Variants in SLC9A9 observed in about 807,000 individuals in gnomAD.
The protein encoded by SLC9A9 is sodium/hydrogen exchanger 9.
In SLC9A9, 62 loss-of-function variants were observed where a neutral mutation model predicts 77.8. The observed-to-expected ratio is 0.80, with a 90% confidence interval of 0.65 to 0.98. The LOEUF is 0.98. Among genes scored for constraint, SLC9A9 ranks in the 50% least tolerant of loss-of-function variants. The probability of loss-of-function intolerance (pLI) is 0.00; values close to 1 mark genes in which losing one functional copy is unlikely to be tolerated. For synonymous variants in SLC9A9, 320 were observed against 283.5 expected, an observed-to-expected ratio of 1.13 and a Z score of -1.29; for missense variants, 775 against 774.9, an observed-to-expected ratio of 1.00 and a Z score of 0.00.
chr3:143,414,529 C>A (rs2108522410), intron 12 of SLC9A9, among the ~76,000 whole-genome samples: 1 of 152,332 alleles, frequency 6.6e-6, no homozygotes, highest in South Asian at 2.1e-4. Flanking sequence ...TCAAACATTT[C>A]ATCATTATCA....
At chr3:143,382,709 T>C (rs2033336107) in intron 12 of SLC9A9, among the ~76,000 whole-genome samples, 3 of 152,218 alleles carry the variant, frequency 2.0e-5, no homozygotes, top group African/African-American at 7.2e-5. Context: ...TACATATGTT[T>C]TTAAAGCTGG....
intron 4 of SLC9A9, among the ~76,000 whole-genome samples, chr3:143,769,014 T>G (rs2007423500): frequency 6.6e-6 from 1 of 152,194 alleles, no homozygotes; most frequent in African/African-American, 2.4e-5. Flanking sequence ...CTTTGTGACT[T>G]TGGCCGAGTT....
intron 4 of SLC9A9, among the ~76,000 whole-genome samples, chr3:143,787,691 A>G (rs2008095053): frequency 6.6e-6 from 1 of 152,144 alleles, no homozygotes; most frequent in African/African-American, 2.4e-5. Context: ...TATTCTGTTA[A>G]TAGAATCTGA....
intron 2 of SLC9A9, among the ~76,000 whole-genome samples, chr3:143,806,637 T>A (rs983085389): frequency 2.6e-5 from 4 of 152,238 alleles, no homozygotes; most frequent in African/African-American, 9.6e-5. Context: ...TGCATATTTT[T>A]ACTCATTCTA....
intron 4 of SLC9A9, among the ~76,000 whole-genome samples, chr3:143,704,034 A>G (rs1391479145): frequency 6.6e-6 from 1 of 152,146 alleles, no homozygotes; most frequent in Non-Finnish European, 1.5e-5. Flanking sequence ...ACAGATTTGG[A>G]TTGGTCCTAA....
At chr3:143,405,691 T>G (rs2033962985) in intron 12 of SLC9A9, among the ~76,000 whole-genome samples, 1 of 152,192 alleles carries the variant, frequency 6.6e-6, no homozygotes, top group South Asian at 2.1e-4. Flanking sequence ...GAAACACTAG[T>G]GGTCTGCCTC....
intron 2 of SLC9A9, among the ~76,000 whole-genome samples, chr3:143,815,131 T>G (rs2008970935): frequency 6.6e-6 from 1 of 152,092 alleles, no homozygotes; most frequent in Non-Finnish European, 1.5e-5. Context: ...TTAAAAAAAT[T>G]AAAGAAGTGA....
intron 2 of SLC9A9, among the ~76,000 whole-genome samples, chr3:143,828,770 C>T (rs942570868): frequency 2.0e-5 from 3 of 152,146 alleles, no homozygotes; most frequent in Non-Finnish European, 4.4e-5. Context: ...GAAAAAAGTT[C>T]TTGTTGTGTT....
At chr3:143,826,269 A>C (rs573589459) in intron 2 of SLC9A9, among the ~76,000 whole-genome samples, 145 of 151,850 alleles carry the variant, frequency 9.5e-4, no homozygotes, top group Non-Finnish European at 1.4e-3. Flanking sequence ...GAAAAAAAAA[A>C]AAAACCACCA....
chr3:143,691,137 A>G lies in SLC9A9; in HGVS notation c.649+2055T>C, dbSNP rs181811235. On this transcript the variant is annotated intron_variant, in intron 5 of 15. Coordinates refer to ENST00000316549, the MANE Select transcript of SLC9A9 (RefSeq NM_173653.4). The stretch of plus-strand genomic sequence containing the variant: ...TATAACAAGTCACTATGTGGTGCCA[A>G]TCCTGCTGGTCTGAGAAGTGATCCT... Among the ~76,000 whole-genome samples, 500 of 152,202 alleles carry G rather than the reference A, an allele frequency of 3.3e-3. 5 individuals are homozygous for G. The highest frequency in any genetic ancestry group is 2.3e-3 in the Non-Finnish European group (158 of 67,994).
intron 4 of SLC9A9, among the ~76,000 whole-genome samples, chr3:143,735,119 G>T (rs1456007047): frequency 6.6e-6 from 1 of 152,180 alleles, no homozygotes; most frequent in Non-Finnish European, 1.5e-5. Flanking sequence ...ATATGAGACA[G>T]CCACACTTCC....
chr3:143,428,788 G>C (rs1576490746), intron 12 of SLC9A9, among the ~76,000 whole-genome samples: 1 of 152,270 alleles, frequency 6.6e-6, no homozygotes, highest in Middle Eastern at 3.4e-3. Context: ...TGGCAACACA[G>C]ATGAACCTGG....
rs76311785 is a variant in SLC9A9, at chr3:143,265,884, C to T, written c.*818G>A. ...TGCAGAATCCTACCCTCCAGCATAT[C>T]GCGGGGAGGGGGGGACCTGCTGCAC... On this transcript the variant is annotated 3_prime_UTR_variant, in exon 16 of 16. Transcript: ENST00000316549. 5.0e-5 allele frequency: 30 copies of T among 605,828 alleles called. No homozygotes were observed. The highest frequency in any genetic ancestry group is 1.9e-4 in the Admixed American group (7 of 36,264). The allele number at this position is 605,828 out of a possible 1,614,324, so 37.5% of individuals were successfully genotyped here. A position where few individuals can be genotyped will look rare whatever the true frequency, so the allele number is the denominator to read the frequency against.
intron 14 of SLC9A9, among the ~76,000 whole-genome samples, chr3:143,281,803 C>T (rs2108407179): frequency 6.6e-6 from 1 of 152,324 alleles, no homozygotes; most frequent in South Asian, 2.1e-4. Flanking sequence ...TGCTACTTTG[C>T]TCAAGTGGTT....
intron 12 of SLC9A9, among the ~76,000 whole-genome samples, chr3:143,386,439 C>T (rs1193983802): frequency 6.6e-6 from 1 of 152,212 alleles, no homozygotes; most frequent in Non-Finnish European, 1.5e-5. Context: ...CTGCCTCTCA[C>T]TTGCTCTGTG....
At position 143,442,285 on chromosome 3, in the gene SLC9A9, C is replaced by T. The variant is rs537241138; in HGVS notation, c.1469+24752G>A. Among the ~76,000 whole-genome samples, 8 of 152,330 alleles carry T rather than the reference C, an allele frequency of 5.3e-5. No individual in the cohort carries two copies. The East Asian group carries it at 1.2e-3, about 22-fold the overall frequency. The stretch of plus-strand genomic sequence containing the variant: ...ACAGAGCAGCATCTCAGTGGAGATA[C>T]GCCCTCATGTCAATAAAACAGACAA... On this transcript the variant is annotated intron_variant, in intron 12 of 15. Coordinates refer to ENST00000316549, the MANE Select transcript of SLC9A9 (RefSeq NM_173653.4).
chr3:143,528,926 G>A (rs1255949368), intron 9 of SLC9A9, among the ~76,000 whole-genome samples: 3 of 152,142 alleles, frequency 2.0e-5, no homozygotes, highest in African/African-American at 7.2e-5. Flanking sequence ...TAAGTTAAGA[G>A]GACCAACAAT....
intron 12 of SLC9A9, among the ~76,000 whole-genome samples, chr3:143,446,216 G>A (rs900305591): frequency 3.9e-5 from 6 of 152,062 alleles, no homozygotes; most frequent in Admixed American, 2.0e-4. Flanking sequence ...ATGATTAACA[G>A]GCAAGTAGAA....
chr3:143,580,744 A>T (rs1206153093), intron 6 of SLC9A9, among the ~76,000 whole-genome samples: 2 of 152,182 alleles, frequency 1.3e-5, no homozygotes, highest in African/African-American at 2.4e-5. Context: ...ACAGGGTATG[A>T]TCACTTTGTT....
Sources: allele counts gnomAD v4.1 joint callset (sites outside exome capture counted in the v4.1 genomes callset), GRCh38; gene constraint gnomAD v4.1.1; transcripts MANE v1.5; gene names NCBI Gene and HGNC (gene_info 2026-07-23, HGNC 2026-07-21).